The following PAWR variants were observed in gnomAD, a reference collection of about 807,000 sequenced individuals.
The protein encoded by PAWR is pro-apoptotic WT1 regulator.
In PAWR, 23 loss-of-function variants were observed where a neutral mutation model predicts 32.0. The ratio of observed to expected loss-of-function variants is 0.72; its 90% CI spans 0.52 to 1.02. PAWR has a LOEUF of 1.02. Among genes scored for constraint, PAWR ranks in the 50% least tolerant of loss-of-function variants. PAWR has a pLI of 0.00. For missense variants in PAWR, 457 were observed against 437.7 expected (o/e 1.04, Z -0.39); for synonymous variants, 226 against 187.1 (o/e 1.21, Z -1.70).
chr12:79,673,505 T>G (rs1318622276), intron 2 of PAWR, among the ~76,000 whole-genome samples: 3 of 152,226 alleles, frequency 2.0e-5, no homozygotes, highest in Non-Finnish European at 1.5e-5. Context: ...CCTTGCTTAG[T>G]CACTAGAGCA....
chr12:79,636,520 TAAG>T (rs1875969192), intron 2 of PAWR, among the ~76,000 whole-genome samples: 1 of 152,086 alleles, frequency 6.6e-6, no homozygotes, highest in Non-Finnish European at 1.5e-5. Context: ...ACATAAAACA[TAAG>T]AACTGTTCAA....
intron 2 of PAWR, among the ~76,000 whole-genome samples, chr12:79,628,362 A>T (rs1875447095): frequency 6.6e-6 from 1 of 152,242 alleles, no homozygotes; most frequent in African/African-American, 2.4e-5. Context: ...AAAGCAGGAA[A>T]GATCTAAAAT....
intron 4 of PAWR, among the ~76,000 whole-genome samples, chr12:79,612,349 T>C (rs73343662): frequency 0.01 from 1,525 of 152,284 alleles, 37 homozygotes; most frequent in African/African-American, 0.034. Flanking sequence ...ATAAATACTG[T>C]AGCCCATGAC....
At chr12:79,670,552 A>C (rs1352339310) in intron 2 of PAWR, among the ~76,000 whole-genome samples, 2 of 152,208 alleles carry the variant, frequency 1.3e-5, no homozygotes, top group African/African-American at 4.8e-5. Context: ...CATTCAATTC[A>C]TTCTGAAAAG....
chr12:79,684,974 T>C (rs1054014107), intron 2 of PAWR, among the ~76,000 whole-genome samples: 1 of 152,230 alleles, frequency 6.6e-6, no homozygotes, highest in Admixed American at 6.5e-5. Context: ...ATACCTTCTC[T>C]TCCCCATTTT....
intron 4 of PAWR, among the ~76,000 whole-genome samples, chr12:79,601,442 C>G (rs940596814): frequency 6.6e-6 from 1 of 151,938 alleles, no homozygotes; most frequent in African/African-American, 2.4e-5. Context: ...TGGCCTCAAG[C>G]GATCTTCCTG....
chr12:79,639,694 G>A lies in PAWR; in HGVS notation c.517-18487C>T, dbSNP rs144133354. Among the ~76,000 whole-genome samples the A allele has an allele frequency of 7.2e-5, 11 of 152,154 alleles. No individual in the cohort carries two copies. The East Asian group carries it at 2.1e-3, about 29-fold the overall frequency. Reference sequence around the variant, plus strand: ...CTCTCACTAAAAATTAAAAGTTTAGGTCTATATAAAACAAACTAAAACTAC... The same window carrying A: ...CTCTCACTAAAAATTAAAAGTTTAGATCTATATAAAACAAACTAAAACTAC... On this transcript the variant is annotated intron_variant, in intron 2 of 6. Transcript: ENST00000328827.
chr12:79,621,476 A>G (rs1384657948), intron 2 of PAWR, among the ~76,000 whole-genome samples: 3 of 152,224 alleles, frequency 2.0e-5, no homozygotes, highest in African/African-American at 4.8e-5. Flanking sequence ...GGAAAGGTTT[A>G]TTCATTCTTT....
chr12:79,601,718 A>G (rs1193379367), intron 4 of PAWR, among the ~76,000 whole-genome samples: 2 of 152,212 alleles, frequency 1.3e-5, no homozygotes, highest in Non-Finnish European at 2.9e-5. Context: ...TCTCACAAAT[A>G]TTTTAAATAA....
intron 2 of PAWR, among the ~76,000 whole-genome samples, chr12:79,660,180 C>T (rs957943515): frequency 4.6e-5 from 7 of 152,110 alleles, no homozygotes; most frequent in African/African-American, 1.7e-4. Context: ...TGTCTAAAGT[C>T]TCTTACAAAT....
chr12:79,657,323 A>G (rs1311505430), intron 2 of PAWR, among the ~76,000 whole-genome samples: 2 of 152,102 alleles, frequency 1.3e-5, no homozygotes, highest in Non-Finnish European at 1.5e-5. Flanking sequence ...TGTTCATTCA[A>G]TACCTTGAGT....
chr12:79,610,894 A>G (rs1283728217), intron 4 of PAWR, among the ~76,000 whole-genome samples: 1 of 151,618 alleles, frequency 6.6e-6, no homozygotes, highest in Non-Finnish European at 1.5e-5. Context: ...AGTTCCCTAC[A>G]GTTAAACACA....
intron 2 of PAWR, among the ~76,000 whole-genome samples, chr12:79,664,657 G>GT (rs1877512580): frequency 2.9e-5 from 2 of 69,820 alleles, no homozygotes; most frequent in Admixed American, 1.7e-4. Context: ...AGACTCTTTG[G>GT]CGGGGGGGGG....
intron 4 of PAWR, among the ~76,000 whole-genome samples, chr12:79,602,635 A>T (rs1874007524): frequency 6.6e-6 from 1 of 152,232 alleles, no homozygotes; most frequent in Admixed American, 6.5e-5. Context: ...GTAGATGCTG[A>T]TGTCAACTAC....
chr12:79,689,548 C>A (rs1219432879), intron 2 of PAWR, among the ~76,000 whole-genome samples, 181 bp downstream of exon 2: 1 of 152,198 alleles, frequency 6.6e-6, no homozygotes, highest in African/African-American at 2.4e-5. Context: ...GTTTGGGGAA[C>A]TTCCCAGGAA....
chr12:79,634,553 A>G (rs1191949631), intron 2 of PAWR, among the ~76,000 whole-genome samples: 1 of 152,200 alleles, frequency 6.6e-6, no homozygotes, highest in Admixed American at 6.5e-5. Context: ...CAGAACTCCA[A>G]CCTAAGCAGT....
At chr12:79,614,466 G>C (rs767815317) in intron 3 of PAWR, among the ~76,000 whole-genome samples, 1 of 151,896 alleles carries the variant, frequency 6.6e-6, no homozygotes, top group Non-Finnish European at 1.5e-5. Flanking sequence ...ATATTGTGCT[G>C]ATTCTAAGCT....
rs1050864158 is a variant in PAWR, at chr12:79,690,875, G to C, written c.-151C>G. On this transcript the variant is annotated 5_prime_UTR_variant, in exon 1 of 7. Coordinates refer to ENST00000328827, the MANE Select transcript of PAWR (RefSeq NM_002583.4). ...CGGGTGTGAGCGAGCGCCTTACCTT[G>C]GAGGAGCTTGTAGGGGACGAGGCGT... 2 of 152,254 alleles carry C rather than the reference G, an allele frequency of 1.3e-5. No homozygotes were observed. The highest frequency in any genetic ancestry group is 2.9e-5 in the Non-Finnish European group (2 of 68,094). 9.4% of individuals were successfully genotyped at this position (152,254 alleles called of 1,614,324 possible).
intron 4 of PAWR, among the ~76,000 whole-genome samples, chr12:79,605,179 CTG>C (rs1351306159): frequency 6.6e-6 from 1 of 151,828 alleles, no homozygotes; most frequent in African/African-American, 2.4e-5. Flanking sequence ...TGCATTATAA[CTG>C]TTTATAGCAA....
Sources: gnomAD v4.1 joint callset for allele counts (sites outside exome capture counted in the v4.1 genomes callset) on GRCh38, gnomAD v4.1.1 for gene constraint, MANE v1.5 for transcripts, NCBI Gene and HGNC (gene_info 2026-07-23, HGNC 2026-07-21) for gene names.